The following SASH1 variants were observed in gnomAD, a reference collection of about 807,000 sequenced individuals.
The protein encoded by SASH1 is SAM and SH3 domain-containing protein 1.
SASH1 carries 44 observed loss-of-function variants against 125.2 expected under a neutral mutation model. The observed-to-expected ratio is 0.35, with a 90% CI of 0.28 to 0.45. The LOEUF is 0.45. Among genes scored for constraint, SASH1 ranks in the 20% least tolerant of loss-of-function variants. SASH1 has a pLI of 1.00. For missense variants in SASH1, 1,426 were observed against 1,614.5 expected (o/e 0.88, Z 2.00); for synonymous variants, 639 against 649.1 (o/e 0.98, Z 0.24).
chr6:148,361,600 C>CA (rs35772475), intron 1 of SASH1, among the ~76,000 whole-genome samples: 10 of 148,340 alleles, frequency 6.7e-5, no homozygotes, highest in African/African-American at 1.7e-4. Flanking sequence ...AACTCTGTCT[C>CA]AAAAAAAAAA....
At chr6:148,356,765 G>A (rs1040647891) in intron 1 of SASH1, among the ~76,000 whole-genome samples, 3 of 152,120 alleles carry the variant, frequency 2.0e-5, no homozygotes, top group Non-Finnish European at 4.4e-5. Context: ...ACTTTTAGTT[G>A]TTTAAGGAAT....
At chr6:148,246,097 A>G in the SASH1 span, among the ~76,000 whole-genome samples, 1 of 151,982 alleles carries the variant, frequency 6.6e-6, no homozygotes, top group Non-Finnish European at 1.5e-5. Flanking sequence ...CTCAGACTTC[A>G]TATTTTTCTC....
chr6:148,299,295 T>C (rs1331759227), intron 1 of SASH1, among the ~76,000 whole-genome samples: 2 of 149,090 alleles, frequency 1.3e-5, no homozygotes, highest in African/African-American at 5.0e-5. Context: ...AAAGATTTTT[T>C]TTGTAATGAT....
intron 1 of SASH1, among the ~76,000 whole-genome samples, chr6:148,373,659 A>C (rs1185671275): frequency 6.6e-6 from 1 of 152,010 alleles, no homozygotes; most frequent in Non-Finnish European, 1.5e-5. Context: ...CCAGAATTTG[A>C]TTTCCCAGTA....
chr6:148,537,842 G>T (rs1439328619), intron 16 of SASH1, among the ~76,000 whole-genome samples: 7 of 147,268 alleles, frequency 4.8e-5, no homozygotes, highest in East Asian at 2.1e-4. Context: ...GGTTGGTGAG[G>T]CTGGAGGCAG....
At chr6:148,410,296 A>T (rs528878589) in intron 2 of SASH1, among the ~76,000 whole-genome samples, 2 of 151,708 alleles carry the variant, frequency 1.3e-5, no homozygotes, top group East Asian at 3.9e-4. Flanking sequence ...TTTTTAGTAG[A>T]GACGGGGTTT....
At chr6:148,261,348 G>A in the SASH1 span, among the ~76,000 whole-genome samples, 1 of 152,094 alleles carries the variant, frequency 6.6e-6, no homozygotes, top group African/African-American at 2.4e-5. Context: ...TCATCTGCTG[G>A]GTCTCCATGT....
chr6:148,492,833 TAAATA>T (rs1485154122), intron 8 of SASH1, among the ~76,000 whole-genome samples: 1 of 83,120 alleles, frequency 1.2e-5, no homozygotes, highest in Admixed American at 1.2e-4. Flanking sequence ...AAAATATAAA[TAAATA>T]AATAAATAAA....
chr6:148,541,113 G>A (rs1344913059), intron 17 of SASH1, among the ~76,000 whole-genome samples: 1 of 151,962 alleles, frequency 6.6e-6, no homozygotes, highest in Admixed American at 6.6e-5. Context: ...CGTTACCATG[G>A]ATGGCTTTGT....
chr6:148,338,576 G>A (rs75140833), upstream of SASH1, among the ~76,000 whole-genome samples: 5,816 of 152,082 alleles, frequency 0.038, 150 homozygotes, highest in South Asian at 0.083. Flanking sequence ...GATCTTTTTC[G>A]AGGCCCTTTT....
intron 2 of SASH1, among the ~76,000 whole-genome samples, chr6:148,401,371 A>T (rs1583091737): frequency 6.6e-6 from 1 of 151,976 alleles, no homozygotes; most frequent in East Asian, 1.9e-4. Flanking sequence ...ATCTCAATAC[A>T]CCCCAGAGCA....
chr6:148,251,045 G>A, the SASH1 span, among the ~76,000 whole-genome samples: 1 of 152,036 alleles, frequency 6.6e-6, no homozygotes, highest in African/African-American at 2.4e-5. Flanking sequence ...GAAATAAATA[G>A]GCAAGCAAAA....
chr6:148,443,325 G>A (rs953746014), intron 4 of SASH1, among the ~76,000 whole-genome samples: 5 of 150,202 alleles, frequency 3.3e-5, no homozygotes, highest in Non-Finnish European at 5.9e-5. Flanking sequence ...TATATCGGGG[G>A]CCCGTGATGT....
In SASH1 at chr6:148,544,507, A is replaced by T; in HGVS notation, c.3037A>T (p.Ser1013Cys). The T allele has an allele frequency of 6.2e-7, 1 of 1,613,658 alleles. No individual in the cohort carries two copies. Among genetic ancestry groups the T allele is most frequent in the Non-Finnish European group, 8.5e-7 (1 of 1,180,010 alleles). ...VPMGPSGALP[S>C]PDAPCLPVKR... Reference sequence around the variant, plus strand: ...CATGGGCCCCAGTGGGGCCCTCCCCAGTCCCGATGCGCCATGCCTGCCAGT... The same window carrying T: ...CATGGGCCCCAGTGGGGCCCTCCCCTGTCCCGATGCGCCATGCCTGCCAGT... The change falls in exon 18 of 20, where the codon AGT becomes TGT. Residue 1013 changes from serine (S) to cysteine (C), a missense_variant. Coordinates refer to ENST00000367467, the MANE Select transcript of SASH1 (RefSeq NM_015278.5). This position sits in a 1 kb window ranked among gnomAD's most constrained non-coding sequence, Gnocchi z 6.4.
At chr6:148,361,913 T>C (rs1448136869) in intron 1 of SASH1, among the ~76,000 whole-genome samples, 1 of 130,938 alleles carries the variant, frequency 7.6e-6, no homozygotes, top group African/African-American at 2.9e-5. Flanking sequence ...TTTTTCTTTT[T>C]CTTTTTTTTT....
rs1028468079 is a variant in SASH1 at position 148,308,850 on chromosome 6, G to A, written n.74+36473G>A. Among the ~76,000 whole-genome samples, 6 of 151,290 alleles carry A rather than the reference G, an allele frequency of 4.0e-5. No homozygotes were observed. In the South Asian group the frequency reaches 1.0e-3, roughly 26 times the overall value. On this transcript the variant is annotated intron_variant and non_coding_transcript_variant, in intron 1 of 3. Transcript: ENST00000367469. ...TGTAATCCCAGCACTTTGGGAGGCC[G>A]AGGTGGGTGAATCACCTGAGGTCAG...
At position 148,544,513 on chromosome 6, in the gene SASH1, G is replaced by A. The variant is rs3210905; in HGVS notation, c.3043G>A (p.Asp1015Asn). The A allele has an allele frequency of 1.1e-5, 18 of 1,613,118 alleles. No homozygotes were observed. The highest frequency in any genetic ancestry group is 2.7e-5 in the African/African-American group (2 of 74,882). ...CCCCAGTGGGGCCCTCCCCAGTCCC[G>A]ATGCGCCATGCCTGCCAGTGAAAAG... The part of the protein sequence containing the change: ...MGPSGALPSP[D>N]APCLPVKRGS... The change falls in exon 18 of 20, where the codon GAT becomes AAT. Residue 1015 changes from aspartate (D) to asparagine (N), a missense_variant. By Grantham distance (23) the Asp-to-Asn change is conservative. Transcript: ENST00000367467. This position sits in a 1 kb window ranked among gnomAD's most constrained non-coding sequence, Gnocchi z 6.4.
chr6:148,277,863 C>T (rs1423570044), intron 1 of SASH1, among the ~76,000 whole-genome samples: 6 of 151,502 alleles, frequency 4.0e-5, no homozygotes, highest in South Asian at 2.1e-4. Flanking sequence ...ACTACAGGCG[C>T]GCGCCACCAA....
At chr6:148,449,078 CTT>C in intron 4 of SASH1, among the ~76,000 whole-genome samples, 6 of 88,714 alleles carry the variant, frequency 6.8e-5, no homozygotes, top group East Asian at 2.9e-4. Context: ...CATTTCATTT[CTT>C]TTTTTTTTTT....
Sources: gnomAD v4.1 joint callset for allele counts (sites outside exome capture counted in the v4.1 genomes callset) on GRCh38, gnomAD v4.1.1 for gene constraint, Gnocchi (gnomAD v3.1) non-coding constraint, MANE v1.5 for transcripts, NCBI Gene and HGNC (gene_info 2026-07-23, HGNC 2026-07-21) for gene names.